Variants in MICAL2 observed in about 807,000 individuals in gnomAD.
The protein encoded by MICAL2 is [F-actin]-monooxygenase MICAL2.
A neutral mutation model predicts 127.3 loss-of-function variants in MICAL2; 77 were observed. The observed-to-expected ratio is 0.60, with a 90% confidence interval of 0.50 to 0.73. The LOEUF (loss-of-function observed/expected upper bound fraction) is 0.73. MICAL2 is among the 30% of genes least tolerant of loss of function. The pLI is 0.00. For missense variants in MICAL2, 1,351 were observed against 1,434.4 expected, an observed-to-expected ratio of 0.94 and a Z score of 0.94; for synonymous variants, 570 against 551.1, an observed-to-expected ratio of 1.03 and a Z score of -0.48.
At chr11:12,324,821 C>T (rs1057273344) in intron 31 of MICAL2, among the ~76,000 whole-genome samples, 6 of 152,208 alleles carry the variant, frequency 3.9e-5, no homozygotes, top group South Asian at 2.1e-4. Context: ...TACCCTTCCC[C>T]GTGGCTGACT....
intron 32 of MICAL2, among the ~76,000 whole-genome samples, chr11:12,333,014 G>A (rs192626317): frequency 2.6e-5 from 4 of 152,244 alleles, no homozygotes; most frequent in East Asian, 3.9e-4. Flanking sequence ...AGCTTCACTG[G>A]CCACTCTGTA....
chr11:12,325,798 T>C (rs1027423287), intron 31 of MICAL2, among the ~76,000 whole-genome samples: 2 of 152,182 alleles, frequency 1.3e-5, no homozygotes, highest in South Asian at 4.1e-4. Context: ...CTTCAACATA[T>C]GCATTTGGGG....
downstream of MICAL2, among the ~76,000 whole-genome samples, chr11:12,288,502 C>T (rs1033842477): frequency 6.6e-5 from 10 of 152,150 alleles, no homozygotes; most frequent in Non-Finnish European, 1.5e-4. Context: ...GCTGAGCAGC[C>T]CCATGGTGTC....
At position 12,117,822 on chromosome 11, in the gene MICAL2, A is replaced by G. The variant is rs183123707; in HGVS notation, c.-149+7096A>G. ...TCTCCCTGCTTGTAAGAAGGAGGCT[A>G]CATCATTTGTCTGATGACTAAATGA... is the stretch of plus-strand genomic sequence containing the variant. On this transcript the variant is annotated intron_variant, in intron 1 of 27. Transcript: ENST00000683283. Among the ~76,000 whole-genome samples the G allele has an allele frequency of 4.6e-5, 7 of 152,362 alleles. No homozygotes were observed. The East Asian group carries it at 1.4e-3, about 29-fold the overall frequency.
intron 22 of MICAL2, chr11:12,252,861 G>A (rs1457567436): frequency 1.3e-5 from 2 of 152,192 alleles, no homozygotes; most frequent in African/African-American, 2.4e-5. Context: ...TTGGTGTGGT[G>A]ATGGATATCA....
chr11:12,313,961 A>AATTTTTT (rs1177699989), intron 29 of MICAL2, among the ~76,000 whole-genome samples: 3 of 43,792 alleles, frequency 6.9e-5, no homozygotes, highest in African/African-American at 2.8e-4. Context: ...TCTTGGTCTG[A>AATTTTTT]TTTTTTTTTT....
chr11:12,302,379 C>A (rs1467619147), intron 29 of MICAL2, among the ~76,000 whole-genome samples: 1 of 152,200 alleles, frequency 6.6e-6, no homozygotes, highest in African/African-American at 2.4e-5. Context: ...ATACTCTCAG[C>A]AGGGAATGAG....
chr11:12,172,872 T>C (rs1856436461), intron 3 of MICAL2, among the ~76,000 whole-genome samples: 1 of 152,166 alleles, frequency 6.6e-6, no homozygotes, highest in East Asian at 1.9e-4. Context: ...TCTGGAGATC[T>C]CTTTATACTT....
chr11:12,285,760 A>G (rs1439653061), intron 2 of MICAL2, among the ~76,000 whole-genome samples: 2 of 152,222 alleles, frequency 1.3e-5, no homozygotes, highest in African/African-American at 4.8e-5. Flanking sequence ...GAGACCTGGC[A>G]GGGAGTGGAA....
intron 31 of MICAL2, chr11:12,327,058 C>A (rs1864361040): frequency 2.3e-6 from 2 of 857,920 alleles, no homozygotes; most frequent in Non-Finnish European, 3.9e-6. Flanking sequence ...TTATTCAAGG[C>A]AGGACCATCA....
At chr11:12,136,358 C>A (rs1851835983) in intron 1 of MICAL2, among the ~76,000 whole-genome samples, 1 of 152,200 alleles carries the variant, frequency 6.6e-6, no homozygotes, top group Non-Finnish European at 1.5e-5. Flanking sequence ...AAGCACTTCG[C>A]TGTGCCATGC....
At chr11:12,320,524 A>G (rs1195921593) in intron 30 of MICAL2, among the ~76,000 whole-genome samples, 1 of 151,888 alleles carries the variant, frequency 6.6e-6, no homozygotes, top group East Asian at 1.9e-4. Flanking sequence ...GAGACAGTAG[A>G]GTACTTGGTG....
downstream of MICAL2, among the ~76,000 whole-genome samples, chr11:12,264,582 G>C (rs2706651): frequency 0.91 from 138,751 of 152,188 alleles, 63,940 homozygotes; most frequent in Non-Finnish European, 0.98. Context: ...GCTTCTGACA[G>C]TGGTATGAAA....
chr11:12,221,798 G>T (rs1312997995), intron 10 of MICAL2, 39 bp downstream of exon 10: 3 of 1,553,066 alleles, frequency 1.9e-6, no homozygotes, highest in Non-Finnish European at 2.7e-6. Context: ...GGGGGGCAGG[G>T]CACTCAGGCA....
intron 3 of MICAL2, among the ~76,000 whole-genome samples, chr11:12,176,426 G>A (rs1856845429): frequency 6.6e-6 from 1 of 152,176 alleles, no homozygotes; most frequent in Non-Finnish European, 1.5e-5. Context: ...TAAGTGCCCA[G>A]CAACCGTTAA....
At chr11:12,205,879 T>C (rs933773303) in intron 4 of MICAL2, among the ~76,000 whole-genome samples, 1 of 151,920 alleles carries the variant, frequency 6.6e-6, no homozygotes, top group Non-Finnish European at 1.5e-5. Context: ...TCTGTAGGGG[T>C]AGGTGGGAGG....
intron 29 of MICAL2, among the ~76,000 whole-genome samples, chr11:12,314,659 T>TTTTTTTG (rs58668149): frequency 6.8e-6 from 1 of 146,260 alleles, no homozygotes; most frequent in African/African-American, 2.5e-5. Flanking sequence ...TTTTTTTTTT[T>TTTTTTTG]GTATTTTTAG....
At chr11:12,319,974 T>C (rs1864274526) in intron 30 of MICAL2, among the ~76,000 whole-genome samples, 2 of 151,926 alleles carry the variant, frequency 1.3e-5, no homozygotes, top group African/African-American at 4.8e-5. Context: ...CCCAAAGAAT[T>C]ATCTTCTTTA....
chr11:12,151,731 C>T (rs554083268), intron 2 of MICAL2, among the ~76,000 whole-genome samples: 7 of 152,044 alleles, frequency 4.6e-5, no homozygotes, highest in Admixed American at 2.0e-4. Context: ...TCTTATGGGT[C>T]GGTCTTAGAA....
Sources: allele counts gnomAD v4.1 joint callset (sites outside exome capture counted in the v4.1 genomes callset), GRCh38; gene constraint gnomAD v4.1.1; transcripts MANE v1.5; gene names NCBI Gene and HGNC (gene_info 2026-07-23, HGNC 2026-07-21).